Variants in MSRA observed in about 807,000 individuals in gnomAD.
The protein encoded by MSRA is mitochondrial peptide methionine sulfoxide reductase.
MSRA carries 54 observed loss-of-function variants against 31.3 expected under a neutral mutation model. That is an observed-to-expected ratio of 1.73 (90% CI 1.39 to 2.17). The LOEUF (loss-of-function observed/expected upper bound fraction) is 2.17. MSRA is among the 30% of genes most tolerant of loss of function. MSRA has a pLI of 0.00. For synonymous variants in MSRA, 169 were observed against 116.5 expected (o/e 1.45, Z -2.90); for missense variants, 507 against 300.9 (o/e 1.69, Z -5.07).
Position 10,094,005 on chromosome 8 carries a change from A to G in MSRA, c.142+39347A>G, listed in dbSNP as rs572780344. Among the ~76,000 whole-genome samples, 13 of 152,268 alleles carry G rather than the reference A, an allele frequency of 8.5e-5. No individual in the cohort carries two copies. In the South Asian group the frequency reaches 2.3e-3, roughly 27 times the overall value. ...TCTTACTGAGGATTCCTTGCACGTG[A>G]TGAGTCGCTTCTCCAATGCTGCTTT... is the stretch of plus-strand genomic sequence containing the variant. On this transcript the variant is annotated intron_variant, in intron 1 of 5. Transcript: ENST00000317173.
At chr8:10,129,681 C>T (rs1801758176) in intron 1 of MSRA, among the ~76,000 whole-genome samples, 1 of 152,126 alleles carries the variant, frequency 6.6e-6, no homozygotes, top group African/African-American at 2.4e-5. Context: ...TAGGTTTTCT[C>T]TCTTTATTCC....
intron 1 of MSRA, among the ~76,000 whole-genome samples, chr8:10,153,664 G>A (rs111843352): frequency 8.3e-4 from 127 of 152,182 alleles, no homozygotes; most frequent in African/African-American, 2.7e-3. Context: ...TGAGGGTGTC[G>A]CCCACCGTCT....
intron 1 of MSRA, among the ~76,000 whole-genome samples, chr8:10,195,015 C>G (rs956307578): frequency 2.0e-5 from 3 of 152,076 alleles, no homozygotes; most frequent in South Asian, 2.1e-4. Context: ...TTGATTTTTC[C>G]CTCAATTAAC....
intron 4 of MSRA, among the ~76,000 whole-genome samples, chr8:10,302,884 A>G (rs1563328376): frequency 6.6e-6 from 1 of 152,164 alleles, no homozygotes; most frequent in Non-Finnish European, 1.5e-5. Context: ...CACTCTAATC[A>G]GAAGGTTCAC....
intron 5 of MSRA, among the ~76,000 whole-genome samples, chr8:10,368,332 A>G (rs1466675904): frequency 1.3e-5 from 2 of 152,260 alleles, no homozygotes; most frequent in Non-Finnish European, 1.5e-5. Flanking sequence ...TTATTTTAAA[A>G]TGAAACAAAA....
At chr8:10,079,881 T>G (rs148506729) in intron 1 of MSRA, among the ~76,000 whole-genome samples, 2 of 152,314 alleles carry the variant, frequency 1.3e-5, no homozygotes, top group East Asian at 3.9e-4. Flanking sequence ...ACCTAACTTC[T>G]CTGTTCATAA....
Position 10,090,666 on chromosome 8 carries a change from A to G in MSRA, c.142+36008A>G, listed in dbSNP as rs142559509. On this transcript the variant is annotated intron_variant, in intron 1 of 5. Coordinates refer to ENST00000317173, the MANE Select transcript of MSRA (RefSeq NM_012331.5). The stretch of plus-strand genomic sequence containing the variant: ...TTGGTTCACTCCAAAAGGAAACCCC[A>G]TAGTCATTGGCAGTCACTTCCAATT... 1.0e-3 allele frequency among the ~76,000 whole-genome samples: 153 copies of G among 152,328 alleles called. 1 individual carries two copies. Among genetic ancestry groups the G allele is most frequent in the African/African-American group, 3.5e-3 (144 of 41,574 alleles).
At chr8:10,145,766 G>A (rs1803089164) in intron 1 of MSRA, among the ~76,000 whole-genome samples, 1 of 152,186 alleles carries the variant, frequency 6.6e-6, no homozygotes, top group African/African-American at 2.4e-5. Flanking sequence ...CTGGCTCACT[G>A]CAGTGAAAAT....
At chr8:10,359,874 C>A (rs551298979) in intron 5 of MSRA, among the ~76,000 whole-genome samples, 1 of 152,224 alleles carries the variant, frequency 6.6e-6, no homozygotes, top group Non-Finnish European at 1.5e-5. Flanking sequence ...TCTAACCTTA[C>A]AGCACTGTTC....
At chr8:10,194,599 A>C (rs777700876) in intron 1 of MSRA, among the ~76,000 whole-genome samples, 2 of 152,182 alleles carry the variant, frequency 1.3e-5, no homozygotes, top group African/African-American at 2.4e-5. Context: ...TACTCTGGGG[A>C]CTGCAGCCCA....
intron 1 of MSRA, among the ~76,000 whole-genome samples, chr8:10,119,451 G>T (rs1028034055): frequency 6.6e-6 from 1 of 152,186 alleles, no homozygotes; most frequent in African/African-American, 2.4e-5. Flanking sequence ...CTTGGGAGTG[G>T]CTTGTAGCAG....
chr8:10,194,742 C>T (rs1331595504), intron 1 of MSRA, among the ~76,000 whole-genome samples: 2 of 152,136 alleles, frequency 1.3e-5, no homozygotes, highest in Non-Finnish European at 2.9e-5. Context: ...TGTCCTGGGA[C>T]TGGATGCAGT....
intron 3 of MSRA, among the ~76,000 whole-genome samples, chr8:10,257,271 C>G (rs925134989): frequency 4.6e-5 from 7 of 152,086 alleles, no homozygotes; most frequent in African/African-American, 1.7e-4. Context: ...TCTCCGTCTC[C>G]ACAAAAAACA....
At chr8:10,140,092 G>C (rs1802583678) in intron 1 of MSRA, among the ~76,000 whole-genome samples, 1 of 152,228 alleles carries the variant, frequency 6.6e-6, no homozygotes. Flanking sequence ...TGTATGCTTA[G>C]GTTTGATGAA....
At chr8:10,331,563 A>G (rs1261984178) in intron 5 of MSRA, among the ~76,000 whole-genome samples, 1 of 152,174 alleles carries the variant, frequency 6.6e-6, no homozygotes, top group Admixed American at 6.5e-5. Context: ...GTAAATGTAG[A>G]GAGCTAGAGT....
At chr8:10,154,693 G>A (rs1804001175) in intron 1 of MSRA, among the ~76,000 whole-genome samples, 1 of 151,918 alleles carries the variant, frequency 6.6e-6, no homozygotes, top group Non-Finnish European at 1.5e-5. Context: ...GTGTTTTATA[G>A]GAAGAATAAA....
At chr8:10,371,097 C>T (rs1455589564) in intron 5 of MSRA, among the ~76,000 whole-genome samples, 1 of 152,108 alleles carries the variant, frequency 6.6e-6, no homozygotes, top group Non-Finnish European at 1.5e-5. Flanking sequence ...GCCGCAATCC[C>T]GATGAAGGTG....
intron 2 of MSRA, among the ~76,000 whole-genome samples, chr8:10,215,849 CTTTAAGT>C (rs1809942920): frequency 6.6e-6 from 1 of 152,128 alleles, no homozygotes; most frequent in African/African-American, 2.4e-5. Flanking sequence ...ACGTTTTTTC[CTTTAAGT>C]TTTGACAACG....
At chr8:10,389,345 T>C (rs1309267886) in intron 5 of MSRA, among the ~76,000 whole-genome samples, 1 of 152,188 alleles carries the variant, frequency 6.6e-6, no homozygotes, top group Non-Finnish European at 1.5e-5. Context: ...GGTGAGAAGC[T>C]TTGATAAAAC....
Sources: gnomAD v4.1 joint callset for allele counts (sites outside exome capture counted in the v4.1 genomes callset) on GRCh38, gnomAD v4.1.1 for gene constraint, MANE v1.5 for transcripts, NCBI Gene and HGNC (gene_info 2026-07-23, HGNC 2026-07-21) for gene names.